The following DPP10 variants were observed in gnomAD, a reference collection of about 807,000 sequenced individuals.
DPP10 encodes dipeptidyl peptidase like 10.
In DPP10, 33 loss-of-function variants were observed where a neutral mutation model predicts 120.9. The ratio of observed to expected loss-of-function variants is 0.27; its 90% confidence interval spans 0.21 to 0.37. The LOEUF (loss-of-function observed/expected upper bound fraction) is 0.37. DPP10 is among the 10% of genes least tolerant of loss of function. DPP10 has a pLI of 1.00. For synonymous variants in DPP10, 337 were observed against 326.1 expected (o/e 1.03, Z -0.36); for missense variants, 816 against 942.8 (o/e 0.87, Z 1.76).
At chr2:114,994,539 T>C (rs181337815) in intron 1 of DPP10, among the ~76,000 whole-genome samples, 1 of 152,254 alleles carries the variant, frequency 6.6e-6, no homozygotes, top group Admixed American at 6.5e-5. Context: ...TAATGGGAAT[T>C]ACCCACCATG....
chr2:114,894,177 C>G (rs1051463053), intron 1 of DPP10, among the ~76,000 whole-genome samples: 4 of 152,118 alleles, frequency 2.6e-5, no homozygotes, highest in African/African-American at 9.7e-5. Flanking sequence ...TTTTAAGAAA[C>G]ACACATTAAT....
At chr2:115,070,377 A>G (rs1707268578) in intron 1 of DPP10, among the ~76,000 whole-genome samples, 1 of 152,190 alleles carries the variant, frequency 6.6e-6, no homozygotes, top group Admixed American at 6.5e-5. Flanking sequence ...TCTTTGATCA[A>G]TGTTCAGAAC....
rs139133631 is a variant in DPP10 at position 115,147,181 on chromosome 2, G to GTA, written c.61-162049_61-162048dup. Among the ~76,000 whole-genome samples, 15 of 150,812 alleles carry GTA rather than the reference G, an allele frequency of 9.9e-5. No individual in the cohort carries two copies. The East Asian group carries it at 2.1e-3, about 21-fold the overall frequency. ...CTATATATATGCATATATAGTGTGT[G>GTA]TATATATATAGTATTGTATATATGC... On this transcript the variant is annotated intron_variant, in intron 1 of 25. Transcript: ENST00000410059.
intron 3 of DPP10, among the ~76,000 whole-genome samples, chr2:115,487,370 A>G (rs553119069): frequency 6.4e-5 from 6 of 93,178 alleles, no homozygotes; most frequent in African/African-American, 2.2e-4. Flanking sequence ...CAGAATTGGA[A>G]AAAACTACTT....
intron 1 of DPP10, among the ~76,000 whole-genome samples, chr2:114,908,280 G>C (rs1018181389): frequency 6.6e-6 from 1 of 151,650 alleles, no homozygotes; most frequent in Non-Finnish European, 1.5e-5. Context: ...CTCTTGATTG[G>C]ATTATTCAAT....
At chr2:115,075,705 C>CT (rs202184549) in intron 1 of DPP10, among the ~76,000 whole-genome samples, 63,769 of 143,122 alleles carry the variant, frequency 0.45, 13,966 homozygotes, top group South Asian at 0.51. Context: ...CAATGGTGAA[C>CT]TTTTTTTTTT....
At chr2:114,493,039 GA>G (rs777873742) in intron 1 of DPP10, among the ~76,000 whole-genome samples, 1 of 152,142 alleles carries the variant, frequency 6.6e-6, no homozygotes, top group African/African-American at 2.4e-5. Flanking sequence ...AATTAGAACT[GA>G]AAACAGTTTG....
chr2:115,139,967 T>C (rs887328427), intron 1 of DPP10, among the ~76,000 whole-genome samples: 1 of 152,050 alleles, frequency 6.6e-6, no homozygotes, highest in South Asian at 2.1e-4. Flanking sequence ...CAGACACATG[T>C]TCATTCTCTG....
At position 114,834,645 on chromosome 2, in the gene DPP10, CACACCTAT is replaced by C. The variant is rs1558791084; in HGVS notation, c.60+391808_60+391815del. On this transcript the variant is annotated intron_variant, in intron 1 of 25. Transcript: ENST00000410059. ...CCTATGTATATATAAGCCATATCTA[CACACCTAT>C]GTATATATATAGGCCATATCTACAC... is the stretch of plus-strand genomic sequence containing the variant. 3.7e-4 allele frequency among the ~76,000 whole-genome samples: 48 copies of C among 128,238 alleles called. 11 individuals carry two copies. Among genetic ancestry groups the C allele is most frequent in the African/African-American group, 6.1e-4 (19 of 30,992 alleles). The allele number at this position is 128,238 out of a possible 152,430, so 84.1% of individuals were successfully genotyped here.
At chr2:115,558,543 C>T (rs924200418) in intron 5 of DPP10, among the ~76,000 whole-genome samples, 2 of 152,088 alleles carry the variant, frequency 1.3e-5, no homozygotes, top group African/African-American at 4.8e-5. Context: ...AACAAGCAAT[C>T]AGGGGCATCC....
intron 1 of DPP10, among the ~76,000 whole-genome samples, chr2:115,157,089 G>A (rs1400639600): frequency 6.6e-6 from 1 of 151,998 alleles, no homozygotes; most frequent in Non-Finnish European, 1.5e-5. Context: ...AATTTCTCAC[G>A]TTCTCAAGTT....
chr2:114,993,659 T>G (rs1031575157), intron 1 of DPP10, among the ~76,000 whole-genome samples: 2 of 148,458 alleles, frequency 1.3e-5, no homozygotes, highest in Admixed American at 6.8e-5. Flanking sequence ...AAACCCAATT[T>G]TACCCTATGC....
intron 1 of DPP10, among the ~76,000 whole-genome samples, chr2:114,761,606 T>C (rs1680290508): frequency 6.6e-6 from 1 of 152,152 alleles, no homozygotes; most frequent in Non-Finnish European, 1.5e-5. Flanking sequence ...TTGGGTCCTC[T>C]GCATATCACC....
chr2:115,817,368 GT>G, intron 21 of DPP10, among the ~76,000 whole-genome samples: 1 of 152,292 alleles, frequency 6.6e-6, no homozygotes, highest in East Asian at 1.9e-4. Context: ...CTATTCATAA[GT>G]AACCTAGAGA....
Position 115,409,183 on chromosome 2 carries a change from T to A in DPP10, c.271+65271T>A, listed in dbSNP as rs575699346. Among the ~76,000 whole-genome samples, 224 of 152,238 alleles carry A rather than the reference T, an allele frequency of 1.5e-3. 2 individuals carry two copies. Among genetic ancestry groups the A allele is most frequent in the African/African-American group, 5.2e-3 (218 of 41,552 alleles). On this transcript the variant is annotated intron_variant, in intron 3 of 25. Transcript: ENST00000410059. ...ATAATGTAGGACTATAAACGGAACA[T>A]TATGAACTACTTTATTCCAATAACT...
chr2:114,748,145 T>C (rs1165180019), intron 1 of DPP10, among the ~76,000 whole-genome samples: 6 of 152,026 alleles, frequency 3.9e-5, no homozygotes, highest in African/African-American at 7.2e-5. Context: ...TATATATCCA[T>C]GAAAAACTGG....
intron 1 of DPP10, among the ~76,000 whole-genome samples, chr2:114,782,961 A>G (rs996902140): frequency 2.0e-5 from 3 of 152,156 alleles, no homozygotes; most frequent in African/African-American, 7.2e-5. Context: ...TTCAGTGCCT[A>G]TGTAATAATA....
At chr2:114,562,197 C>T (rs745537728) in intron 1 of DPP10, among the ~76,000 whole-genome samples, 1 of 152,222 alleles carries the variant, frequency 6.6e-6, no homozygotes, top group African/African-American at 2.4e-5. Flanking sequence ...AACAAATCTG[C>T]TCACCTTCCA....
chr2:115,114,358 G>A (rs542246031), intron 1 of DPP10, among the ~76,000 whole-genome samples: 2 of 152,224 alleles, frequency 1.3e-5, no homozygotes, highest in African/African-American at 2.4e-5. Context: ...GAAAGTATAT[G>A]AGCATGCATT....
Sources: allele counts gnomAD v4.1 joint callset (sites outside exome capture counted in the v4.1 genomes callset), GRCh38; gene constraint gnomAD v4.1.1; transcripts MANE v1.5; gene names NCBI Gene and HGNC (gene_info 2026-07-23, HGNC 2026-07-21).